The following TRANK1 variants were observed in gnomAD, a reference collection of about 807,000 sequenced individuals.
The protein encoded by TRANK1 is TPR and ankyrin repeat-containing protein 1.
A neutral mutation model predicts 266.0 loss-of-function variants in TRANK1; 198 were observed. The ratio of observed to expected loss-of-function variants is 0.74; its 90% CI spans 0.66 to 0.84. TRANK1 has a LOEUF of 0.84. Among genes scored for constraint, TRANK1 ranks in the 40% least tolerant of loss-of-function variants. The probability of loss-of-function intolerance (pLI) is 0.00; values close to 1 mark genes in which losing one functional copy is unlikely to be tolerated. For synonymous variants in TRANK1, 1,396 were observed against 1,384.1 expected, an observed-to-expected ratio of 1.01 and a Z score of -0.19; for missense variants, 3,326 against 3,634.6, an observed-to-expected ratio of 0.92 and a Z score of 2.18.
Position 36,895,769 on chromosome 3 carries a change from G to C in TRANK1, c.434-11C>G, listed in dbSNP as rs371808044. ...AAACAATGGAGTCACCTAAAAGAAA[G>C]TTTCATAATTTAGGGATTTTAATGT... On this transcript the variant is annotated splice_polypyrimidine_tract_variant and intron_variant, in intron 4 of 23. Coordinates refer to ENST00000645898, the MANE Select transcript of TRANK1 (RefSeq NM_001329998.2). 1 of 1,510,520 alleles carries C rather than the reference G, an allele frequency of 6.6e-7. No individual in the cohort carries two copies. The highest frequency in any genetic ancestry group is 8.8e-7 in the Non-Finnish European group (1 of 1,131,638). 93.6% of individuals were successfully genotyped at this position (1,510,520 alleles called of 1,614,324 possible). A position where few individuals can be genotyped will look rare whatever the true frequency, so the allele number is the denominator to read the frequency against.
intron 15 of TRANK1, among the ~76,000 whole-genome samples, chr3:36,848,237 T>C (rs953700276): frequency 1.1e-4 from 16 of 152,312 alleles, no homozygotes; most frequent in African/African-American, 3.8e-4. Context: ...TTAATATAAT[T>C]TTTATATACC....
chr3:36,840,737 C>T (rs556676670), intron 18 of TRANK1, among the ~76,000 whole-genome samples: 66 of 152,314 alleles, frequency 4.3e-4, no homozygotes, highest in Non-Finnish European at 7.6e-4. Flanking sequence ...ACCCCAGTCA[C>T]CCCTGTCCCC....
chr3:36,860,341 T>C (rs951093864), intron 11 of TRANK1, among the ~76,000 whole-genome samples: 5 of 152,216 alleles, frequency 3.3e-5, no homozygotes, highest in African/African-American at 1.2e-4. Context: ...TTGGTGTTTC[T>C]AAATCAGCTT....
chr3:36,833,549 T>C lies in TRANK1; in HGVS notation c.6034A>G (p.Ile2012Val), dbSNP rs1033772524. The change falls in exon 22 of 24, where the codon ATT becomes GTT. Residue 2012 changes from isoleucine (I) to valine (V), a missense_variant. Physicochemically the swap from Ile to Val is conservative, Grantham distance 29 (BLOSUM62 3). Coordinates refer to ENST00000645898, the MANE Select transcript of TRANK1 (RefSeq NM_001329998.2). ...RDSDIEHTKD[I>V]LREALDICYQ... ...CAGATATCAAGTGCTTCTCTCAGAA[T>C]GTCCTTGGTGTGTTCTATGTCGGAA... 1 of 1,613,844 alleles carries C rather than the reference T, an allele frequency of 6.2e-7. No homozygotes were observed. Among genetic ancestry groups the C allele is most frequent in the African/African-American group, 1.3e-5 (1 of 74,946 alleles).
chr3:36,908,650 C>T, intron 1 of TRANK1, 196 bp from the exon 2 acceptor site: 4 of 1,222,520 alleles, frequency 3.3e-6, no homozygotes, highest in Non-Finnish European at 4.1e-6. Flanking sequence ...TTTGTCAGTT[C>T]TTTTCTGTTC....
chr3:36,854,732 A>G (rs1015130552), intron 13 of TRANK1, among the ~76,000 whole-genome samples: 1 of 151,406 alleles, frequency 6.6e-6, no homozygotes. Flanking sequence ...AAAGCACCCA[A>G]GTGTGTGTTA....
chr3:36,944,815 C>A lies in TRANK1; in HGVS notation c.-6G>T, dbSNP rs770736015. The A allele has an allele frequency of 1.5e-5, 23 of 1,488,874 alleles. No individual in the cohort carries two copies. The highest frequency in any genetic ancestry group is 1.9e-5 in the Non-Finnish European group (21 of 1,126,464). The allele number at this position is 1,488,874 out of a possible 1,614,324, so 92.2% of individuals were successfully genotyped here. On this transcript the variant is annotated 5_prime_UTR_variant, in exon 1 of 24. Coordinates refer to ENST00000645898, the MANE Select transcript of TRANK1 (RefSeq NM_001329998.2). Reference sequence around the variant, plus strand: ...GCTGCCCGCGGGTCCCACATGGCTGCGGCCGGAGGGTCCGCACCAGGACCG... The same window carrying A: ...GCTGCCCGCGGGTCCCACATGGCTGAGGCCGGAGGGTCCGCACCAGGACCG...
intron 3 of TRANK1, among the ~76,000 whole-genome samples, chr3:36,902,607 T>A (rs1385044217): frequency 6.6e-6 from 1 of 152,232 alleles, no homozygotes; most frequent in Non-Finnish European, 1.5e-5. Flanking sequence ...TTAACAATCT[T>A]AAAGGGTCTT....
chr3:36,839,968 C>A (rs1335918945), intron 18 of TRANK1, among the ~76,000 whole-genome samples: 2 of 152,104 alleles, frequency 1.3e-5, no homozygotes. Context: ...TTAGCAGGGT[C>A]AAAATAAAGT....
chr3:36,858,075 G>A lies in TRANK1; in HGVS notation c.1673-26C>T, dbSNP rs149472226. On this transcript the variant is annotated intron_variant, in intron 12 of 23. Transcript: ENST00000645898. ...CTGAAAGACACAAACAAAACCCTGT[G>A]AGCACTGAGCCACTCTTCTTAGGGG... is the stretch of plus-strand genomic sequence containing the variant. 41 of 1,478,978 alleles carry A rather than the reference G, an allele frequency of 2.8e-5. No homozygotes were observed. In the East Asian group the frequency reaches 6.3e-4, roughly 23 times the overall value. The allele number at this position is 1,478,978 out of a possible 1,614,324, so 91.6% of individuals were successfully genotyped here.
Position 36,838,657 on chromosome 3 carries a change from G to C in TRANK1, c.5340C>G (p.Ala1780=). The C allele has an allele frequency of 6.2e-7, 1 of 1,613,908 alleles. No individual in the cohort carries two copies. ...ATTTCATGCTCAGGGCAGTGTCATG[G>C]GCCAGGGCCAACTTCTCCTTCTCAA... ...GAFEKEKLAL[A]HDTALSMKSK... The change falls in exon 19 of 24, where the codon GCC becomes GCG. Residue 1780 remains alanine, a synonymous_variant. Coordinates refer to ENST00000645898, the MANE Select transcript of TRANK1 (RefSeq NM_001329998.2).
chr3:36,831,044 G>A lies in TRANK1; in HGVS notation c.8539C>T (p.Pro2847Ser), dbSNP rs760071677. The A allele has an allele frequency of 2.0e-5, 33 of 1,613,878 alleles. No homozygotes were observed. The highest frequency in any genetic ancestry group is 2.7e-5 in the Non-Finnish European group (32 of 1,179,894). The part of the protein sequence containing the change: ...YSEFFHEKVD[P>S]AIDEGKLVVQ... The stretch of plus-strand genomic sequence containing the variant: ...ACCAGCTTGCCTTCATCAATGGCCG[G>A]GTCCACCTTCTCGTGGAAAAATTCT... The change falls in exon 22 of 24, where the codon CCG becomes TCG. Residue 2847 changes from proline (P) to serine (S), a missense_variant. Coordinates refer to ENST00000645898, the MANE Select transcript of TRANK1 (RefSeq NM_001329998.2). The surrounding 1 kb of genome is among the most constrained non-coding windows in gnomAD (Gnocchi z 5.0).
chr3:36,855,997 A>C lies in TRANK1; in HGVS notation c.3725T>G (p.Leu1242Arg). ...LQDLRDENFP[L>R]FVTSKQLLLL... ...AAGCAGCTGCTTGGAAGTGACAAAC[A>C]GAGGAAAGTTCTCGTCCCTCAGGTC... The change falls in exon 13 of 24, where the codon CTG becomes CGG. Residue 1242 changes from leucine (L) to arginine (R), a missense_variant. Leu to Arg is a moderately radical substitution (Grantham distance 102). Coordinates refer to ENST00000645898, the MANE Select transcript of TRANK1 (RefSeq NM_001329998.2). 1 of 1,613,762 alleles carries C rather than the reference A, an allele frequency of 6.2e-7. No homozygotes were observed. Among genetic ancestry groups the C allele is most frequent in the Non-Finnish European group, 8.5e-7 (1 of 1,179,854 alleles).
intron 9 of TRANK1, among the ~76,000 whole-genome samples, chr3:36,868,026 A>C (rs1474319140): frequency 6.6e-6 from 1 of 152,240 alleles, no homozygotes; most frequent in Non-Finnish European, 1.5e-5. Context: ...GATGTGTGTG[A>C]GTGAGCCCTG....
intron 7 of TRANK1, 123 bp downstream of exon 7, chr3:36,892,079 C>T (rs2079705481): frequency 1.7e-6 from 2 of 1,179,192 alleles, no homozygotes; most frequent in South Asian, 1.7e-5. Flanking sequence ...ATAATCAGAT[C>T]ATTTGAATAT....
At position 36,892,269 on chromosome 3, in the gene TRANK1, A is replaced by G. The variant is rs2079710502; in HGVS notation, c.708T>C (p.Ile236=). 4 of 1,537,200 alleles carry G rather than the reference A, an allele frequency of 2.6e-6. No individual in the cohort carries two copies. The highest frequency in any genetic ancestry group is 3.5e-6 in the Non-Finnish European group (4 of 1,146,900). Residue 236 remains isoleucine, a synonymous_variant, in exon 7 of 24, where the codon ATT becomes ATC. Coordinates refer to ENST00000645898, the MANE Select transcript of TRANK1 (RefSeq NM_001329998.2). ...VPKLVQWLIS[I]GASVETIGPY... ...GTCCTATAGTCTCAACACTTGCACC[A>G]ATGGAGATGAGCCACTGGACTAACT...
intron 23 of TRANK1, 37 bp from the exon 24 acceptor site, chr3:36,828,412 A>AAG: frequency 1.2e-5 from 5 of 404,764 alleles, no homozygotes; most frequent in Non-Finnish European, 2.6e-5. Flanking sequence ...AAGGAAGGAA[A>AAG]GAAGGGAGGG....
chr3:36,934,473 C>G (rs2080397588), intron 1 of TRANK1, among the ~76,000 whole-genome samples: 1 of 152,100 alleles, frequency 6.6e-6, no homozygotes. Flanking sequence ...TTCTCTCATT[C>G]ATTAAAAACG....
chr3:36,861,223 A>G (rs559530442), intron 10 of TRANK1, 63 bp from the exon 11 acceptor site: 44 of 1,490,250 alleles, frequency 3.0e-5, no homozygotes, highest in Non-Finnish European at 3.3e-5. Context: ...TCTTTCCCCA[A>G]TCACAACCCA....
Sources: gnomAD v4.1 joint callset for allele counts (sites outside exome capture counted in the v4.1 genomes callset) on GRCh38, gnomAD v4.1.1 for gene constraint, Gnocchi (gnomAD v3.1) non-coding constraint, MANE v1.5 for transcripts, NCBI Gene and HGNC (gene_info 2026-07-23, HGNC 2026-07-21) for gene names.